The following TMEM232 variants were observed in gnomAD, a reference collection of about 807,000 sequenced individuals.
TMEM232 encodes transmembrane protein 232.
A neutral mutation model predicts 78.8 loss-of-function variants in TMEM232; 80 were observed. The observed-to-expected ratio is 1.01, with a 90% CI of 0.85 to 1.22. TMEM232 has a LOEUF of 1.22. TMEM232 is among the 50% of genes most tolerant of loss of function. The pLI, the probability that TMEM232 is intolerant of heterozygous loss-of-function variation, is 0.00. For synonymous variants in TMEM232, 297 were observed against 254.3 expected (o/e 1.17, Z -1.60); for missense variants, 881 against 742.2 (o/e 1.19, Z -2.17).
chr5:110,610,248 G>GAGGAAGGGAGGAAGGGAGGAAGGA (rs1782066884), intron 8 of TMEM232, among the ~76,000 whole-genome samples: 1 of 137,950 alleles, frequency 7.2e-6, no homozygotes, highest in African/African-American at 3.1e-5. Flanking sequence ...GGAAGGAAGG[G>GAGGAAGGGAGGAAGGGAGGAAGGA]AGGAAGGGAG....
At chr5:110,686,715 A>C (rs1793460122) in intron 1 of TMEM232, among the ~76,000 whole-genome samples, 1 of 152,220 alleles carries the variant, frequency 6.6e-6, no homozygotes, top group African/African-American at 2.4e-5. Flanking sequence ...AATTAGGTTT[A>C]GCGACATATA....
intron 1 of TMEM232, among the ~76,000 whole-genome samples, chr5:110,692,070 G>C (rs996523162): frequency 6.6e-6 from 1 of 152,036 alleles, no homozygotes; most frequent in African/African-American, 2.4e-5. Flanking sequence ...ACAGGCGCCC[G>C]CCACCACGCT....
At chr5:110,484,588 T>C (rs1338286429) in intron 12 of TMEM232, among the ~76,000 whole-genome samples, 2 of 151,976 alleles carry the variant, frequency 1.3e-5, no homozygotes, top group Admixed American at 1.3e-4. Flanking sequence ...ACACTGTAGA[T>C]TGAAAGACAC....
intron 1 of TMEM232, chr5:110,684,673 T>C (rs1032770666): frequency 6.6e-5 from 10 of 152,138 alleles, no homozygotes; most frequent in Admixed American, 2.6e-4. Context: ...AGCAAAGCTA[T>C]AGAAGCAATA....
At chr5:110,593,314 A>G (rs1366773438) in intron 10 of TMEM232, among the ~76,000 whole-genome samples, 1 of 152,212 alleles carries the variant, frequency 6.6e-6, no homozygotes, top group Non-Finnish European at 1.5e-5. Context: ...GAAAGACAAA[A>G]TGTCTTCCAA....
chr5:110,582,570 A>C (rs1187483308), intron 10 of TMEM232, among the ~76,000 whole-genome samples: 1 of 151,872 alleles, frequency 6.6e-6, no homozygotes, highest in African/African-American at 2.4e-5. Flanking sequence ...ATGTTCACTA[A>C]CCTGGAGCTC....
At chr5:110,704,325 T>C (rs370391125) in intron 1 of TMEM232, among the ~76,000 whole-genome samples, 5 of 152,146 alleles carry the variant, frequency 3.3e-5, no homozygotes, top group African/African-American at 1.2e-4. Context: ...TGGTGTTACA[T>C]TTCTCATTTA....
intron 9 of TMEM232, 88 bp downstream of exon 9, chr5:110,606,076 C>A (rs1328200493): frequency 3.1e-5 from 40 of 1,295,118 alleles, no homozygotes; most frequent in Non-Finnish European, 2.1e-6. Context: ...ATACTATATG[C>A]GCTAATACGA....
chr5:110,518,123 ACTCT>A (rs71626631), intron 12 of TMEM232, among the ~76,000 whole-genome samples: 32 of 143,772 alleles, frequency 2.2e-4, no homozygotes, highest in Admixed American at 4.8e-4. Context: ...CTCTATGTCT[ACTCT>A]CTCTCTCTCT....
chr5:110,599,753 A>T (rs1780660815), intron 10 of TMEM232, among the ~76,000 whole-genome samples: 1 of 152,198 alleles, frequency 6.6e-6, no homozygotes, highest in African/African-American at 2.4e-5. Context: ...TATTAGACAG[A>T]TCAACGAGAC....
At chr5:110,728,570 A>T (rs1021902368), upstream of TMEM232, among the ~76,000 whole-genome samples, 1 of 151,706 alleles carries the variant, frequency 6.6e-6, no homozygotes, top group Non-Finnish European at 1.5e-5. Context: ...CAATGATTTT[A>T]AAAAATGACA....
At chr5:110,652,255 CCA>C in intron 2 of TMEM232, among the ~76,000 whole-genome samples, 1 of 150,652 alleles carries the variant, frequency 6.6e-6, no homozygotes, top group Non-Finnish European at 1.5e-5. Flanking sequence ...CCATTACCAA[CCA>C]CAGACAACCC....
intron 10 of TMEM232, among the ~76,000 whole-genome samples, chr5:110,600,552 A>G (rs1369110674): frequency 2.6e-5 from 4 of 152,208 alleles, no homozygotes; most frequent in African/African-American, 4.8e-5. Flanking sequence ...CAAATAAACT[A>G]GAAAACCTAG....
intron 11 of TMEM232, among the ~76,000 whole-genome samples, chr5:110,552,019 A>G (rs964403388): frequency 6.6e-6 from 1 of 152,176 alleles, no homozygotes; most frequent in South Asian, 2.1e-4. Flanking sequence ...GAAATTGAGC[A>G]TACATAGTGG....
chr5:110,594,469 C>A (rs1260692769), intron 10 of TMEM232, among the ~76,000 whole-genome samples: 1 of 152,094 alleles, frequency 6.6e-6, no homozygotes, highest in Non-Finnish European at 1.5e-5. Flanking sequence ...TGTTCTCTAA[C>A]CTGGAAAGGG....
intron 10 of TMEM232, among the ~76,000 whole-genome samples, chr5:110,578,696 A>C (rs1023180536): frequency 1.3e-5 from 2 of 151,970 alleles, no homozygotes; most frequent in Non-Finnish European, 2.9e-5. Flanking sequence ...CTCTTTAAAA[A>C]GTGAAAAAAT....
At chr5:110,440,359 T>G (rs566892067) in intron 12 of TMEM232, among the ~76,000 whole-genome samples, 1 of 152,194 alleles carries the variant, frequency 6.6e-6, no homozygotes, top group South Asian at 2.1e-4. Flanking sequence ...TTAGGATCAC[T>G]GCTTTCTGTA....
At chr5:110,683,472 A>T (rs1793009467) in intron 1 of TMEM232, among the ~76,000 whole-genome samples, 1 of 151,932 alleles carries the variant, frequency 6.6e-6, no homozygotes, top group African/African-American at 2.4e-5. Context: ...ACAACCAAAA[A>T]AATACAATAT....
rs371364634 is a variant in TMEM232, at chr5:110,390,026, C to CT, written n.615+389dup. Among the ~76,000 whole-genome samples the CT allele has an allele frequency of 3.2e-3, 487 of 152,284 alleles. 1 individual carries two copies. Among genetic ancestry groups the CT allele is most frequent in the African/African-American group, 0.011 (467 of 41,548 alleles). On this transcript the variant is annotated intron_variant and non_coding_transcript_variant, in intron 4 of 8. Transcript: ENST00000507188. ...CGGATCATCCTGTGAGAGAGAAGGA[C>CT]TGAATTCTGCAGAATTTTACCTCCT...
Sources: allele counts gnomAD v4.1 joint callset (sites outside exome capture counted in the v4.1 genomes callset), GRCh38; gene constraint gnomAD v4.1.1; transcripts MANE v1.5; gene names NCBI Gene and HGNC (gene_info 2026-07-23, HGNC 2026-07-21).